The following PRDM5 variants were observed in gnomAD, a reference collection of about 807,000 sequenced individuals.
PRDM5 encodes the protein PR/SET domain 5.
In PRDM5, 56 loss-of-function variants were observed where a neutral mutation model predicts 81.2. The ratio of observed to expected loss-of-function variants is 0.69; its 90% confidence interval spans 0.56 to 0.86. The LOEUF (loss-of-function observed/expected upper bound fraction) is 0.86, where lower values mean the gene tolerates loss of function less well. PRDM5 is among the 40% of genes least tolerant of loss of function. PRDM5 has a pLI of 0.00. For missense variants in PRDM5, 697 were observed against 770.1 expected (o/e 0.91, Z 1.12); for synonymous variants, 267 against 256.4 (o/e 1.04, Z -0.39).
At chr4:120,726,675 G>A (rs866541507) in intron 14 of PRDM5, among the ~76,000 whole-genome samples, 45 of 152,288 alleles carry the variant, frequency 3.0e-4, no homozygotes, top group African/African-American at 1.1e-3. Context: ...AATTCAGTGA[G>A]TACACATTTC....
At chr4:120,914,705 G>A (rs1723905041) in intron 1 of PRDM5, among the ~76,000 whole-genome samples, 1 of 152,118 alleles carries the variant, frequency 6.6e-6, no homozygotes, top group Non-Finnish European at 1.5e-5. Flanking sequence ...ACCTGCACAT[G>A]TATGTTTATC....
chr4:120,730,466 T>C (rs1339399938), intron 14 of PRDM5, among the ~76,000 whole-genome samples: 1 of 152,212 alleles, frequency 6.6e-6, no homozygotes, highest in Non-Finnish European at 1.5e-5. Context: ...AATCCATTAA[T>C]GGGATCTTCA....
chr4:120,871,499 G>T (rs746233385), intron 2 of PRDM5, among the ~76,000 whole-genome samples: 7 of 152,136 alleles, frequency 4.6e-5, no homozygotes, highest in Non-Finnish European at 8.8e-5. Flanking sequence ...CCTGTAATCT[G>T]ACCACTCTAC....
chr4:120,799,634 T>C (rs1293441394), intron 9 of PRDM5, 27 bp downstream of exon 9: 2 of 1,608,472 alleles, frequency 1.2e-6, no homozygotes, highest in Admixed American at 1.7e-5. Flanking sequence ...ATGATATCAC[T>C]ATAAACAAAA....
intron 14 of PRDM5, among the ~76,000 whole-genome samples, chr4:120,738,157 TCC>T (rs1172958640): frequency 6.6e-6 from 1 of 152,086 alleles, no homozygotes; most frequent in African/African-American, 2.4e-5. Flanking sequence ...CCAACCAACC[TCC>T]TAATCTTAAG....
In PRDM5 at chr4:120,710,220, G is replaced by GATAC. The variant is rs71597093; in HGVS notation, c.1728+88_1728+89insGTAT. ...TCCAGCAATGCAACACACACACACAGACACACACACACACACACATACACA... is the reference window on the plus strand; with the variant it reads ...TCCAGCAATGCAACACACACACACAGATACACACACACACACACACACATACACA... On this transcript the variant is annotated intron_variant, in intron 15 of 15. Coordinates refer to ENST00000264808, the MANE Select transcript of PRDM5 (RefSeq NM_018699.4). 4.3e-4 allele frequency: 421 copies of GATAC among 981,606 alleles called. 1 individual carries two copies. Among genetic ancestry groups the GATAC allele is most frequent in the African/African-American group, 3.5e-3 (212 of 61,170 alleles). 60.8% of individuals were successfully genotyped at this position (981,606 alleles called of 1,614,324 possible).
At chr4:120,864,054 C>T (rs946094413) in intron 2 of PRDM5, among the ~76,000 whole-genome samples, 10 of 152,128 alleles carry the variant, frequency 6.6e-5, no homozygotes, top group African/African-American at 1.7e-4. Flanking sequence ...CCCTGTAAGG[C>T]GTTAGCTTCT....
chr4:120,762,267 G>A (rs1248034383), intron 13 of PRDM5: 1 of 152,024 alleles, frequency 6.6e-6, no homozygotes. Context: ...AAAGATTTTG[G>A]AAGCATAGCT....
intron 14 of PRDM5, among the ~76,000 whole-genome samples, chr4:120,749,216 A>G (rs1033108746): frequency 6.6e-6 from 1 of 151,632 alleles, no homozygotes; most frequent in Non-Finnish European, 1.5e-5. Context: ...AAAAAAAAAA[A>G]TGGAACACAG....
chr4:120,767,019 A>G (rs1464297733), intron 13 of PRDM5, among the ~76,000 whole-genome samples: 2 of 152,176 alleles, frequency 1.3e-5, no homozygotes, highest in Non-Finnish European at 2.9e-5. Context: ...AAGGGGGAAG[A>G]AGGAGGATGC....
chr4:120,909,211 G>GC (rs1438802865), intron 1 of PRDM5, among the ~76,000 whole-genome samples: 1 of 152,118 alleles, frequency 6.6e-6, no homozygotes, highest in Non-Finnish European at 1.5e-5. Context: ...GAGTGCTCAG[G>GC]CAACATCCAC....
At chr4:120,709,510 T>C (rs1297578766) in intron 15 of PRDM5, among the ~76,000 whole-genome samples, 1 of 152,202 alleles carries the variant, frequency 6.6e-6, no homozygotes, top group South Asian at 2.1e-4. Flanking sequence ...TTTCCTTTCA[T>C]ATGGACTGCT....
At chr4:120,877,872 C>T (rs1244536738) in intron 2 of PRDM5, among the ~76,000 whole-genome samples, 2 of 152,144 alleles carry the variant, frequency 1.3e-5, no homozygotes, top group African/African-American at 2.4e-5. Flanking sequence ...TGCCCAGGAA[C>T]TCATAAAATG....
chr4:120,918,826 A>T (rs78450484), intron 1 of PRDM5, among the ~76,000 whole-genome samples: 6,674 of 152,044 alleles, frequency 0.044, 144 homozygotes, highest in African/African-American at 0.05. Context: ...CAGTGTTCTC[A>T]CCTGTAAAAT....
chr4:120,741,610 C>T (rs565575255), intron 14 of PRDM5, among the ~76,000 whole-genome samples: 4 of 152,166 alleles, frequency 2.6e-5, no homozygotes, highest in African/African-American at 7.2e-5. Context: ...CATTGCCTCA[C>T]TCGGGAAGCA....
At chr4:120,920,506 T>C (rs533477012) in intron 1 of PRDM5, among the ~76,000 whole-genome samples, 2 of 152,344 alleles carry the variant, frequency 1.3e-5, no homozygotes, top group African/African-American at 2.4e-5. Context: ...TTGCCTTCCA[T>C]AAGCAGGTAA....
intron 2 of PRDM5, chr4:120,895,998 A>C (rs1470048585): frequency 6.6e-6 from 1 of 152,140 alleles, no homozygotes; most frequent in Non-Finnish European, 1.5e-5. Context: ...CAGCAAAATA[A>C]AAATCTTGCT....
At chr4:120,920,460 G>A (rs938559631) in intron 1 of PRDM5, among the ~76,000 whole-genome samples, 5 of 152,172 alleles carry the variant, frequency 3.3e-5, no homozygotes, top group Admixed American at 1.3e-4. Context: ...CCTAGTACAA[G>A]GTTACTTGGA....
chr4:120,909,328 C>T (rs1403900992), intron 1 of PRDM5, among the ~76,000 whole-genome samples: 2 of 152,164 alleles, frequency 1.3e-5, no homozygotes, highest in Non-Finnish European at 2.9e-5. Flanking sequence ...TTAGCAATGA[C>T]CTGGGCCGTG....
Sources: gnomAD v4.1 joint callset for allele counts (sites outside exome capture counted in the v4.1 genomes callset) on GRCh38, gnomAD v4.1.1 for gene constraint, MANE v1.5 for transcripts, NCBI Gene and HGNC (gene_info 2026-07-23, HGNC 2026-07-21) for gene names.